Variants in WWTR1 observed in about 807,000 individuals in gnomAD.
WWTR1 encodes the protein WW domain containing transcription regulator 1.
In WWTR1, 13 loss-of-function variants were observed where a neutral mutation model predicts 40.1. The ratio of observed to expected loss-of-function variants is 0.32; its 90% CI spans 0.21 to 0.52. The LOEUF (loss-of-function observed/expected upper bound fraction) is 0.52. WWTR1 is among the 20% of genes least tolerant of loss of function. The pLI, the probability that WWTR1 is intolerant of heterozygous loss-of-function variation, is 0.97. For missense variants in WWTR1, 436 were observed against 523.1 expected (o/e 0.83, Z 1.63); for synonymous variants, 230 against 210.1 (o/e 1.09, Z -0.82).
At chr3:149,570,197 C>A (rs902468362) in intron 3 of WWTR1, among the ~76,000 whole-genome samples, 1 of 152,222 alleles carries the variant, frequency 6.6e-6, no homozygotes, top group Non-Finnish European at 1.5e-5. Flanking sequence ...TAGAAACACA[C>A]TTTGCAATGG....
chr3:149,537,235 T>C (rs534353922), intron 4 of WWTR1, among the ~76,000 whole-genome samples: 102 of 152,272 alleles, frequency 6.7e-4, no homozygotes, highest in African/African-American at 2.2e-3. Context: ...GTACGGCCTG[T>C]TGTAGAAAGG....
intron 2 of WWTR1, among the ~76,000 whole-genome samples, chr3:149,582,061 A>C (rs1051502096): frequency 6.6e-6 from 1 of 152,100 alleles, no homozygotes; most frequent in Non-Finnish European, 1.5e-5. Flanking sequence ...CTTCCCAGAG[A>C]AAACCACTTT....
chr3:149,624,718 T>A (rs1391860298), intron 2 of WWTR1, among the ~76,000 whole-genome samples: 1 of 152,060 alleles, frequency 6.6e-6, no homozygotes, highest in East Asian at 1.9e-4. Context: ...CCTTTTTTTT[T>A]AGATGGAGTT....
At chr3:149,592,158 A>C (rs576349621) in intron 2 of WWTR1, among the ~76,000 whole-genome samples, 56 of 152,328 alleles carry the variant, frequency 3.7e-4, no homozygotes, top group Middle Eastern at 3.4e-3. Flanking sequence ...AGTATGGAAA[A>C]CACTGAATGT....
At chr3:149,675,285 T>C (rs1320392515) in intron 1 of WWTR1, among the ~76,000 whole-genome samples, 1 of 152,230 alleles carries the variant, frequency 6.6e-6, no homozygotes, top group Admixed American at 6.5e-5. Flanking sequence ...GCCAATGAGA[T>C]GTGAGACGTC....
At chr3:149,685,627 C>G (rs1264729276) in intron 1 of WWTR1, among the ~76,000 whole-genome samples, 1 of 152,150 alleles carries the variant, frequency 6.6e-6, no homozygotes. Flanking sequence ...GTAATCCTCC[C>G]CTTTTACCAC....
At chr3:149,582,723 C>G (rs1055211380) in intron 2 of WWTR1, among the ~76,000 whole-genome samples, 1 of 151,326 alleles carries the variant, frequency 6.6e-6, no homozygotes, top group Non-Finnish European at 1.5e-5. Flanking sequence ...GAGCAAAACT[C>G]TGTCTCAAAA....
At chr3:149,608,847 G>C (rs1434320298) in intron 2 of WWTR1, among the ~76,000 whole-genome samples, 2 of 151,932 alleles carry the variant, frequency 1.3e-5, no homozygotes, top group Non-Finnish European at 2.9e-5. Flanking sequence ...GAGCCCAGGA[G>C]TTTGAGACCA....
chr3:149,707,012 A>C (rs1715351557), upstream of WWTR1, among the ~76,000 whole-genome samples: 1 of 152,158 alleles, frequency 6.6e-6, no homozygotes, highest in African/African-American at 2.4e-5. Context: ...TTCCATATTA[A>C]TGTGTTTCCA....
intron 5 of WWTR1, among the ~76,000 whole-genome samples, chr3:149,712,474 C>G (rs1156941478): frequency 2.6e-5 from 4 of 152,164 alleles, no homozygotes; most frequent in Non-Finnish European, 2.9e-5. Flanking sequence ...TTCTCTTGTT[C>G]CTGAATTCTT....
At chr3:149,666,735 C>A (rs951347672) in intron 2 of WWTR1, among the ~76,000 whole-genome samples, 5 of 152,156 alleles carry the variant, frequency 3.3e-5, no homozygotes, top group Non-Finnish European at 7.3e-5. Flanking sequence ...TTGCCAAAGG[C>A]CATTGATTTA....
rs1379835755 is a variant in WWTR1, at chr3:149,715,621, A to C, written n.584+1821T>G. Among the ~76,000 whole-genome samples the C allele has an allele frequency of 6.6e-5, 10 of 152,366 alleles. No individual in the cohort carries two copies. In the South Asian group the frequency reaches 2.1e-3, roughly 32 times the overall value. On this transcript the variant is annotated intron_variant and non_coding_transcript_variant, in intron 5 of 6. Transcript: ENST00000474080. ...CAGGCCGAGTGGGCGGAACAAGCCC[A>C]GAGGGCCTGAGAAAACTTGGGCAAA... is the stretch of plus-strand genomic sequence containing the variant.
In WWTR1 at chr3:149,678,026, C is replaced by T. The variant is rs574117728; in HGVS notation, c.-107-8135G>A. On this transcript the variant is annotated intron_variant, in intron 1 of 7. Transcript: ENST00000465804. Reference sequence around the variant, plus strand: ...TCTCAGCTGATCCACCTGTTTTGGCCTCTCAAAGTGCGGGGATTACAGGCG... The same window carrying T: ...TCTCAGCTGATCCACCTGTTTTGGCTTCTCAAAGTGCGGGGATTACAGGCG... Among the ~76,000 whole-genome samples the T allele has an allele frequency of 5.3e-5, 8 of 152,084 alleles. No individual in the cohort carries two copies. In the South Asian group the frequency reaches 1.7e-3, roughly 32 times the overall value.
At chr3:149,534,413 T>C (rs768639937) in intron 4 of WWTR1, among the ~76,000 whole-genome samples, 4 of 152,178 alleles carry the variant, frequency 2.6e-5, no homozygotes, top group Non-Finnish European at 5.9e-5. Flanking sequence ...TTTCCGAGCC[T>C]GTTTTCCCAG....
At chr3:149,717,275 G>T (rs939228415) in intron 5 of WWTR1, among the ~76,000 whole-genome samples, 1 of 152,192 alleles carries the variant, frequency 6.6e-6, no homozygotes, top group African/African-American at 2.4e-5. Flanking sequence ...CTAAAGTAAT[G>T]AATACAATTT....
intron 2 of WWTR1, among the ~76,000 whole-genome samples, chr3:149,589,579 C>T (rs987117516): frequency 6.6e-6 from 1 of 151,914 alleles, no homozygotes; most frequent in South Asian, 2.1e-4. Context: ...AGGATATAGA[C>T]CATCATAATT....
chr3:149,562,687 A>G (rs778887791), intron 3 of WWTR1, among the ~76,000 whole-genome samples: 5 of 151,508 alleles, frequency 3.3e-5, no homozygotes, highest in Non-Finnish European at 5.9e-5. Flanking sequence ...CTTAAGGAGA[A>G]AGACAATCAA....
chr3:149,616,872 C>T (rs150184438), intron 2 of WWTR1, among the ~76,000 whole-genome samples: 128 of 152,222 alleles, frequency 8.4e-4, no homozygotes, highest in African/African-American at 2.9e-3. Flanking sequence ...TACTACATCC[C>T]GCAGTCCCAG....
At position 149,613,879 on chromosome 3, in the gene WWTR1, C is replaced by T. The variant is rs143395119; in HGVS notation, c.432-40879G>A. On this transcript the variant is annotated intron_variant, in intron 2 of 6. Transcript: ENST00000360632. ...GTTATTTTTCAACAATCAAATAATC[C>T]ATGTTCATGGTGAAAGAAAATCCAC... is the stretch of plus-strand genomic sequence containing the variant. Among the ~76,000 whole-genome samples, 918 of 151,702 alleles carry T rather than the reference C, an allele frequency of 6.1e-3. 5 individuals are homozygous for T. Among genetic ancestry groups the T allele is most frequent in the Non-Finnish European group, 9.8e-3 (666 of 67,932 alleles).
Sources: gnomAD v4.1 joint callset for allele counts (sites outside exome capture counted in the v4.1 genomes callset) on GRCh38, gnomAD v4.1.1 for gene constraint, MANE v1.5 for transcripts, NCBI Gene and HGNC (gene_info 2026-07-23, HGNC 2026-07-21) for gene names.